Variants in NEK6 observed in about 807,000 individuals in gnomAD.
NEK6 encodes the protein NIMA related kinase 6.
In NEK6, 27 loss-of-function variants were observed where a neutral mutation model predicts 43.5. That is an observed-to-expected ratio of 0.62 (90% CI 0.46 to 0.86). The LOEUF (loss-of-function observed/expected upper bound fraction) is 0.86, where lower values mean the gene tolerates loss of function less well. NEK6 is among the 40% of genes least tolerant of loss of function. The pLI is 0.00. For synonymous variants in NEK6, 167 were observed against 164.1 expected (o/e 1.02, Z -0.14); for missense variants, 318 against 414.4 (o/e 0.77, Z 2.02).
Position 124,312,704 on chromosome 9 carries a change from C to T in NEK6, c.231+55C>T, listed in dbSNP as rs560854223. 3,856 of 1,570,004 alleles carry T rather than the reference C, an allele frequency of 2.5e-3. 15 individuals carry two copies. Among genetic ancestry groups the T allele is most frequent in the South Asian group, 3.4e-3 (297 of 86,864 alleles). ...GCATCTCGGGAGGTGGTCTCTGCAT[C>T]TGGACGGGGTGCCCGGGCCAGTCCC... On this transcript the variant is annotated intron_variant, in intron 3 of 9. Transcript: ENST00000320246.
chr9:124,314,774 T>C (rs2130875456), intron 4 of NEK6, among the ~76,000 whole-genome samples: 1 of 152,222 alleles, frequency 6.6e-6, no homozygotes, highest in East Asian at 1.9e-4. Context: ...TTCAAGCAGT[T>C]CTCCTGTCTC....
rs1427748853 is a variant in NEK6 at position 124,326,066 on chromosome 9, G to C, written c.406-264G>C. Among the ~76,000 whole-genome samples, 2 of 152,240 alleles carry C rather than the reference G, an allele frequency of 1.3e-5. No homozygotes were observed. The highest frequency in any genetic ancestry group is 1.3e-4 in the Admixed American group (2 of 15,290). ...GGTGTCCATGCAGCAAAGCCATCCG[G>C]ACATGCCAGGCCTGCCTGGCCCTCA... On this transcript the variant is annotated intron_variant, in intron 5 of 9. Coordinates refer to ENST00000320246, the MANE Select transcript of NEK6 (RefSeq NM_014397.6). This position sits in a 1 kb window ranked among gnomAD's most constrained non-coding sequence, Gnocchi z 4.5.
chr9:124,341,661 T>C (rs372256965), intron 8 of NEK6, among the ~76,000 whole-genome samples: 1 of 151,960 alleles, frequency 6.6e-6, no homozygotes, highest in African/African-American at 2.4e-5. Flanking sequence ...GAGCCATTTG[T>C]CCTCCCTGCC....
At chr9:124,276,886 G>A (rs1159133866) in intron 1 of NEK6, among the ~76,000 whole-genome samples, 1 of 152,228 alleles carries the variant, frequency 6.6e-6, no homozygotes, top group Non-Finnish European at 1.5e-5. Flanking sequence ...TGACGTGGTG[G>A]AGGACAGACA....
chr9:124,294,851 A>G (rs915845868), intron 1 of NEK6, among the ~76,000 whole-genome samples: 3 of 152,132 alleles, frequency 2.0e-5, no homozygotes, highest in Non-Finnish European at 2.9e-5. Flanking sequence ...GCTGGGCTGC[A>G]GGGGAGTGTG....
At position 124,312,622 on chromosome 9, in the gene NEK6, G is replaced by T; in HGVS notation, c.204G>T (p.Arg68Ser). The T allele has an allele frequency of 3.1e-6, 5 of 1,613,766 alleles. No individual in the cohort carries two copies. Among genetic ancestry groups the T allele is most frequent in the Non-Finnish European group, 4.2e-6 (5 of 1,179,674 alleles). The change falls in exon 3 of 10, where the codon AGG becomes AGT. Residue 68 changes from arginine (R) to serine (S), a missense_variant. Coordinates refer to ENST00000320246, the MANE Select transcript of NEK6 (RefSeq NM_014397.6). ...EVYKATCLLD[R>S]KTVALKKVQI... ...ACAAGGCCACCTGCCTGCTGGACAG[G>T]AAGACAGTGGCTCTGAAGAAGGTGC...
intron 4 of NEK6, among the ~76,000 whole-genome samples, chr9:124,315,648 TGAAGGAA>T (rs1382968287): frequency 2.0e-5 from 3 of 152,062 alleles, no homozygotes; most frequent in Non-Finnish European, 4.4e-5. Flanking sequence ...TCTCCCCGAG[TGAAGGAA>T]CCCACAGGTG....
At chr9:124,345,425 T>C (rs1235079066) in intron 8 of NEK6, among the ~76,000 whole-genome samples, 1 of 152,214 alleles carries the variant, frequency 6.6e-6, no homozygotes, top group Non-Finnish European at 1.5e-5. Context: ...AGGGGTCCTC[T>C]GGCATAGCTC....
chr9:124,292,890 G>T, intron 1 of NEK6: 1 of 1,480,638 alleles, frequency 6.8e-7, no homozygotes, highest in Non-Finnish European at 9.0e-7. Context: ...GGGGGAGCAG[G>T]CTGTGGAGCT....
At chr9:124,263,219 C>T (rs760679331) in intron 1 of NEK6, among the ~76,000 whole-genome samples, 1 of 152,226 alleles carries the variant, frequency 6.6e-6, no homozygotes, top group Non-Finnish European at 1.5e-5. Context: ...GCTTCGCACA[C>T]ACCCACTGGG....
intron 8 of NEK6, among the ~76,000 whole-genome samples, chr9:124,345,190 C>G (rs1040985301): frequency 9.2e-5 from 14 of 152,216 alleles, no homozygotes; most frequent in Non-Finnish European, 1.6e-4. Context: ...CTCGGCAGTT[C>G]TAACGAGGCC....
chr9:124,301,035 G>A (rs1358607493), intron 1 of NEK6, among the ~76,000 whole-genome samples: 2 of 152,224 alleles, frequency 1.3e-5, no homozygotes, highest in African/African-American at 2.4e-5. Flanking sequence ...CACAGGAGGT[G>A]CTGCAGAAAT....
At chr9:124,310,466 G>C (rs917349339) in intron 2 of NEK6, among the ~76,000 whole-genome samples, 2 of 152,244 alleles carry the variant, frequency 1.3e-5, no homozygotes, top group East Asian at 3.8e-4. Flanking sequence ...CACCATGAGA[G>C]GTAATTAGGC....
chr9:124,264,123 T>C (rs1384335235), intron 1 of NEK6, among the ~76,000 whole-genome samples: 36 of 152,256 alleles, frequency 2.4e-4, no homozygotes, highest in Non-Finnish European at 2.9e-5. Flanking sequence ...GAGGGAGTCC[T>C]GCACATTTTA....
At chr9:124,332,640 C>A (rs958998808) in intron 7 of NEK6, among the ~76,000 whole-genome samples, 17 of 152,212 alleles carry the variant, frequency 1.1e-4, no homozygotes, top group South Asian at 4.1e-4. Flanking sequence ...CTTGCAGACA[C>A]CAGCCTCCCC....
At chr9:124,327,479 C>T in intron 7 of NEK6, 34 bp downstream of exon 7, 8 of 1,548,346 alleles carry the variant, frequency 5.2e-6, no homozygotes, top group Non-Finnish European at 7.1e-6. Flanking sequence ...CAGCAGCCCC[C>T]AGCGGTCCTG....
intron 2 of NEK6, among the ~76,000 whole-genome samples, chr9:124,305,796 GA>G (rs776332543): frequency 6.6e-6 from 1 of 152,170 alleles, no homozygotes; most frequent in Non-Finnish European, 1.5e-5. Context: ...AGATGATCAG[GA>G]ATTTGGGGTG....
chr9:124,348,131 G>C (rs552674443), intron 9 of NEK6, among the ~76,000 whole-genome samples: 165 of 152,324 alleles, frequency 1.1e-3, no homozygotes, highest in African/African-American at 3.8e-3. Context: ...CAGGTCCCCA[G>C]GACAGGGTCT....
rs573396878 is a variant in NEK6 at position 124,339,596 on chromosome 9, G to A, written c.648G>A (p.Pro216=). 73 of 1,614,026 alleles carry A rather than the reference G, an allele frequency of 4.5e-5. 1 individual carries two copies. In the South Asian group the frequency reaches 5.1e-4, roughly 11 times the overall value. Residue 216 remains proline, a synonymous_variant, in exon 8 of 10, where the codon CCG becomes CCA. Transcript: ENST00000320246. ...TGGGGACGCCCTACTACATGTCACC[G>A]GAGAGGATCCATGAGAACGGCTACA... ...SLVGTPYYMS[P]ERIHENGYNF... is the part of the protein sequence containing the mutation.
Sources: gnomAD v4.1 joint callset for allele counts (sites outside exome capture counted in the v4.1 genomes callset) on GRCh38, gnomAD v4.1.1 for gene constraint, Gnocchi (gnomAD v3.1) non-coding constraint, MANE v1.5 for transcripts, NCBI Gene and HGNC (gene_info 2026-07-23, HGNC 2026-07-21) for gene names.